Variants in KDM7A observed in about 807,000 individuals in gnomAD.
KDM7A encodes the protein lysine-specific demethylase 7A.
In KDM7A, 28 loss-of-function variants were observed where a neutral mutation model predicts 114.8. The ratio of observed to expected loss-of-function variants is 0.24; its 90% CI spans 0.18 to 0.33. The LOEUF (loss-of-function observed/expected upper bound fraction) is 0.33. Ranked by LOEUF, KDM7A falls within the 10% of genes least tolerant of loss-of-function variation. The pLI is 1.00. For missense variants in KDM7A, 942 were observed against 1,142.5 expected, an observed-to-expected ratio of 0.82 and a Z score of 2.53; for synonymous variants, 423 against 397.8, an observed-to-expected ratio of 1.06 and a Z score of -0.75.
intron 9 of KDM7A, among the ~76,000 whole-genome samples, chr7:140,115,105 G>C (rs373991286): frequency 1.3e-5 from 2 of 151,730 alleles, no homozygotes; most frequent in African/African-American, 4.8e-5. Flanking sequence ...CGCCCGGCCA[G>C]CCACCCCGTC....
At chr7:140,104,224 T>A (rs1818287061) in intron 11 of KDM7A, among the ~76,000 whole-genome samples, 1 of 152,226 alleles carries the variant, frequency 6.6e-6, no homozygotes, top group Non-Finnish European at 1.5e-5. Context: ...CATTGTCAGA[T>A]GGGTAGATTG....
At chr7:140,101,175 G>A (rs1347464396) in intron 12 of KDM7A, among the ~76,000 whole-genome samples, 2 of 152,008 alleles carry the variant, frequency 1.3e-5, no homozygotes, top group Non-Finnish European at 2.9e-5. Context: ...CTCTTCTTGG[G>A]ATGTAAAAGT....
At chr7:140,104,764 T>C (rs1015786157) in intron 11 of KDM7A, among the ~76,000 whole-genome samples, 36 of 152,320 alleles carry the variant, frequency 2.4e-4, no homozygotes, top group Non-Finnish European at 3.4e-4. Flanking sequence ...TAGGATTGTC[T>C]TGGCAATGTA....
intron 1 of KDM7A, among the ~76,000 whole-genome samples, chr7:140,150,962 A>T (rs1402930646): frequency 6.6e-6 from 1 of 151,546 alleles, no homozygotes; most frequent in African/African-American, 2.4e-5. Context: ...CTGAGTAGCT[A>T]AGGATTACAG....
chr7:140,091,249 G>C, intron 19 of KDM7A, 61 bp from the exon 20 acceptor site: 1 of 1,115,926 alleles, frequency 9.0e-7, no homozygotes, highest in East Asian at 2.3e-5. Context: ...AGAGCACCTG[G>C]AAGACTACGG....
chr7:140,170,246 CATA>C (rs74274713), intron 1 of KDM7A, among the ~76,000 whole-genome samples: 10,532 of 152,150 alleles, frequency 0.069, 408 homozygotes, highest in Non-Finnish European at 0.09. Flanking sequence ...ATATTTTATA[CATA>C]ATGTGTCCCC....
intron 2 of KDM7A, 29 bp from the exon 3 acceptor site, chr7:140,133,685 G>A (rs1303120184): frequency 7.7e-7 from 1 of 1,291,044 alleles, no homozygotes; most frequent in Non-Finnish European, 1.1e-6. Flanking sequence ...AAAAAAAAAT[G>A]ATTTTGGTAA....
At position 140,176,830 on chromosome 7, in the gene KDM7A, C is replaced by G; in HGVS notation, c.108G>C (p.Pro36=). 7.5e-7 allele frequency: 1 copy of G among 1,336,998 alleles called. No homozygotes were observed. The allele number at this position is 1,336,998 out of a possible 1,614,324, so 82.8% of individuals were successfully genotyped here. The change falls in exon 1 of 20, where the codon CCG becomes CCC. Residue 36 remains proline (P), a synonymous_variant. Coordinates refer to ENST00000397560, the MANE Select transcript of KDM7A (RefSeq NM_030647.2). This position sits in a 1 kb window ranked among gnomAD's most constrained non-coding sequence, Gnocchi z 4.4. ...PGRASAPPPP[P]PVYCVCRQPY... ...GCTGCCGGCACACACAGTACACGGG[C>G]GGGGGCGGCGGAGGCGCCGAGGCCC... is the stretch of plus-strand genomic sequence containing the variant.
chr7:140,119,336 T>C (rs1401990952), intron 8 of KDM7A, 117 bp from the exon 9 acceptor site: 3 of 527,400 alleles, frequency 5.7e-6, no homozygotes, highest in African/African-American at 1.9e-5. Flanking sequence ...TAAAGTATTT[T>C]ACATTTCTTA....
intron 2 of KDM7A, among the ~76,000 whole-genome samples, chr7:140,138,301 C>T (rs559142772): frequency 1.3e-5 from 2 of 151,606 alleles, no homozygotes; most frequent in East Asian, 3.9e-4. Flanking sequence ...GAGCAAGACC[C>T]TGTCTCAAAT....
chr7:140,160,606 G>C (rs1249046813), intron 1 of KDM7A, among the ~76,000 whole-genome samples: 1 of 152,206 alleles, frequency 6.6e-6, no homozygotes, highest in Non-Finnish European at 1.5e-5. Flanking sequence ...AGTTCCCCTA[G>C]GGCTGAGGTG....
chr7:140,135,387 G>GT (rs1818852176), intron 2 of KDM7A, among the ~76,000 whole-genome samples: 1 of 151,952 alleles, frequency 6.6e-6, no homozygotes, highest in Admixed American at 6.6e-5. Context: ...TATTTTAGTA[G>GT]AGATGGGGTT....
At chr7:140,150,821 TCTG>T (rs942563199) in intron 1 of KDM7A, among the ~76,000 whole-genome samples, 2 of 149,696 alleles carry the variant, frequency 1.3e-5, no homozygotes, top group African/African-American at 5.0e-5. Flanking sequence ...CCCAATAATC[TCTG>T]TTCTTTTTTT....
At chr7:140,166,530 G>A (rs1487074776) in intron 1 of KDM7A, among the ~76,000 whole-genome samples, 4 of 151,768 alleles carry the variant, frequency 2.6e-5, no homozygotes, top group African/African-American at 9.7e-5. Flanking sequence ...TGTAGACGGA[G>A]GCTCGTCATG....
intron 9 of KDM7A, among the ~76,000 whole-genome samples, chr7:140,115,030 G>A (rs1053519033): frequency 6.6e-6 from 1 of 151,776 alleles, no homozygotes; most frequent in Non-Finnish European, 1.5e-5. Context: ...GCCCCGTCCA[G>A]GAGGTTGGGG....
intron 7 of KDM7A, among the ~76,000 whole-genome samples, chr7:140,121,984 C>T (rs1402059429): frequency 1.3e-5 from 2 of 152,188 alleles, no homozygotes; most frequent in African/African-American, 4.8e-5. Flanking sequence ...ACCAGCAGCA[C>T]CTGAATCAGC....
Position 140,176,406 on chromosome 7 carries a change from C to A in KDM7A, c.194+338G>T, listed in dbSNP as rs936998672. On this transcript the variant is annotated intron_variant, in intron 1 of 19. Coordinates refer to ENST00000397560, the MANE Select transcript of KDM7A (RefSeq NM_030647.2). The surrounding 1 kb of genome is among the most constrained non-coding windows in gnomAD (Gnocchi z 4.4). ...GGCTGGCGAGGGGCTGCGGACCCGG[C>A]CGGCGCTCCGCCCGACGCCCCCGCC... Among the ~76,000 whole-genome samples, 1 of 143,704 alleles carries A rather than the reference C, an allele frequency of 7.0e-6. No homozygotes were observed. Among genetic ancestry groups the A allele is most frequent in the Non-Finnish European group, 1.5e-5 (1 of 64,924 alleles). 94.3% of individuals were successfully genotyped at this position (143,704 alleles called of 152,430 possible).
Position 140,091,817 on chromosome 7 carries a change from G to C in KDM7A, c.2718C>G (p.Asn906Lys), listed in dbSNP as rs774327491. 6.2e-7 allele frequency: 1 copy of C among 1,611,132 alleles called. No individual in the cohort carries two copies. The highest frequency in any genetic ancestry group is 1.3e-5 in the African/African-American group (1 of 74,564). The stretch of plus-strand genomic sequence containing the variant: ...TGTGAAAGTTACCTTTTGTTGCCTG[G>C]TTGCTGATAGGTGGTGGATTTGATG... ...RPASNPPPIS[N>K]QATKGKRPKK... The change falls in exon 19 of 20, where the codon AAC becomes AAG. Residue 906 changes from asparagine (N) to lysine (K), a missense_variant. Asn to Lys is a moderately conservative substitution (Grantham distance 94). Around this residue, in one of 4 missense-constraint regions of KDM7A, gnomAD observed 512 missense variants for 576.6 expected, o/e 0.89. Transcript: ENST00000397560.
At chr7:140,173,845 A>G (rs1394234001) in intron 1 of KDM7A, among the ~76,000 whole-genome samples, 1 of 152,166 alleles carries the variant, frequency 6.6e-6, no homozygotes, top group African/African-American at 2.4e-5. Flanking sequence ...AAACATACAG[A>G]GTCCAAATTA....
Sources: allele counts gnomAD v4.1 joint callset (sites outside exome capture counted in the v4.1 genomes callset), GRCh38; gene constraint gnomAD v4.1.1; regional missense constraint gnomAD v4.1.1; non-coding constraint Gnocchi (gnomAD v3.1); transcripts MANE v1.5; gene names NCBI Gene and HGNC (gene_info 2026-07-23, HGNC 2026-07-21).